The following SLC4A4 variants were observed in gnomAD, a reference collection of about 807,000 sequenced individuals.
SLC4A4 encodes the protein solute carrier family 4 member 4.
SLC4A4 carries 27 observed loss-of-function variants against 111.5 expected under a neutral mutation model. That is an observed-to-expected ratio of 0.24 (90% CI 0.18 to 0.33). The LOEUF is 0.33. Ranked by LOEUF, SLC4A4 falls within the 10% of genes least tolerant of loss-of-function variation. The pLI is 1.00. For synonymous variants in SLC4A4, 443 were observed against 463.4 expected, an observed-to-expected ratio of 0.96 and a Z score of 0.57; for missense variants, 909 against 1,315.5, an observed-to-expected ratio of 0.69 and a Z score of 4.78.
chr4:71,483,308 A>T (rs113328321), intron 14 of SLC4A4, among the ~76,000 whole-genome samples: 9 of 151,540 alleles, frequency 5.9e-5, no homozygotes, highest in Non-Finnish European at 1.2e-4. Flanking sequence ...GTTTTTCCTG[A>T]TCCTCTTCCT....
chr4:71,087,362 G>A (rs972107560), intron 1 of SLC4A4, among the ~76,000 whole-genome samples: 6 of 151,884 alleles, frequency 4.0e-5, no homozygotes, highest in Non-Finnish European at 7.4e-5. Flanking sequence ...CCAGCTCCTG[G>A]ATTCATTGAT....
At chr4:71,541,966 T>G (rs1382768524) in intron 18 of SLC4A4, among the ~76,000 whole-genome samples, 4 of 152,142 alleles carry the variant, frequency 2.6e-5, no homozygotes, top group Non-Finnish European at 5.9e-5. Context: ...TCAAATCTAG[T>G]CATTCAGATA....
At chr4:71,133,155 G>A (rs1429736694) in intron 2 of SLC4A4, among the ~76,000 whole-genome samples, 1 of 151,914 alleles carries the variant, frequency 6.6e-6, no homozygotes. Flanking sequence ...TCTTAGTTTC[G>A]TATCCCTGAA....
At chr4:71,289,679 A>T (rs1336744195) in intron 3 of SLC4A4, among the ~76,000 whole-genome samples, 1 of 152,234 alleles carries the variant, frequency 6.6e-6, no homozygotes, top group Non-Finnish European at 1.5e-5. Flanking sequence ...GAATTGGGTA[A>T]CGAAGGAGGA....
chr4:71,545,648 C>T (rs1349439818), intron 18 of SLC4A4, among the ~76,000 whole-genome samples: 3 of 151,942 alleles, frequency 2.0e-5, no homozygotes, highest in African/African-American at 7.2e-5. Flanking sequence ...TGTTTGAAAT[C>T]GGCCTATTCT....
intron 16 of SLC4A4, among the ~76,000 whole-genome samples, chr4:71,507,732 A>G (rs1425315661): frequency 6.6e-6 from 1 of 152,220 alleles, no homozygotes; most frequent in African/African-American, 2.4e-5. Flanking sequence ...TCAGCTCTGC[A>G]TCAGGTAGAC....
intron 1 of SLC4A4, among the ~76,000 whole-genome samples, chr4:71,226,326 A>G (rs941155765): frequency 2.0e-5 from 3 of 152,154 alleles, no homozygotes; most frequent in African/African-American, 4.8e-5. Flanking sequence ...CTGGCTATTT[A>G]AAGTAGTTTA....
intron 2 of SLC4A4, among the ~76,000 whole-genome samples, chr4:71,122,552 T>C (rs965733936): frequency 3.3e-5 from 5 of 152,014 alleles, no homozygotes; most frequent in Non-Finnish European, 7.4e-5. Context: ...CACAGAACTT[T>C]ATGAGACTTC....
chr4:71,539,712 A>G (rs1231707279), intron 18 of SLC4A4, among the ~76,000 whole-genome samples: 1 of 152,046 alleles, frequency 6.6e-6, no homozygotes, highest in East Asian at 1.9e-4. Context: ...TTTCTTTTAC[A>G]GTATCTGTTT....
chr4:71,384,970 A>C (rs1479568059), intron 6 of SLC4A4, among the ~76,000 whole-genome samples: 1 of 151,560 alleles, frequency 6.6e-6, no homozygotes, highest in African/African-American at 2.4e-5. Context: ...TGGCACGTGT[A>C]TACCTATGTA....
intron 2 of SLC4A4, among the ~76,000 whole-genome samples, chr4:71,244,737 C>T (rs768842096): frequency 2.7e-5 from 4 of 150,068 alleles, no homozygotes; most frequent in Non-Finnish European, 5.9e-5. Flanking sequence ...CTTACGTTAA[C>T]TCTTCTTACT....
intron 6 of SLC4A4, among the ~76,000 whole-genome samples, chr4:71,368,118 G>T (rs749587926): frequency 2.0e-5 from 3 of 152,098 alleles, no homozygotes; most frequent in African/African-American, 7.2e-5. Context: ...TAATTATGCC[G>T]TCTCTATTTT....
chr4:71,191,597 G>A (rs1745735459), intron 1 of SLC4A4, among the ~76,000 whole-genome samples: 1 of 152,162 alleles, frequency 6.6e-6, no homozygotes, highest in South Asian at 2.1e-4. Context: ...TAAAGTGATG[G>A]TTTCCATTTT....
intron 2 of SLC4A4, among the ~76,000 whole-genome samples, chr4:71,244,567 A>T (rs1720492153): frequency 6.6e-6 from 1 of 152,202 alleles, no homozygotes. Context: ...CCCAGGATTA[A>T]CCGCATAAAT....
chr4:71,280,049 C>T (rs1238530311), intron 3 of SLC4A4, among the ~76,000 whole-genome samples: 1 of 152,220 alleles, frequency 6.6e-6, no homozygotes, highest in Non-Finnish European at 1.5e-5. Flanking sequence ...CCACCTTGGC[C>T]TCCCAAAGTG....
At chr4:71,260,592 C>A (rs1273646350) in intron 3 of SLC4A4, among the ~76,000 whole-genome samples, 3 of 152,236 alleles carry the variant, frequency 2.0e-5, no homozygotes, top group Middle Eastern at 6.8e-3. Context: ...GTCTTTAGGT[C>A]TGAGTACAAA....
At chr4:71,515,426 A>C (rs1325074494) in intron 16 of SLC4A4, among the ~76,000 whole-genome samples, 1 of 152,208 alleles carries the variant, frequency 6.6e-6, no homozygotes, top group East Asian at 1.9e-4. Flanking sequence ...CCATGTGCTG[A>C]TGAAAGAAAT....
intron 2 of SLC4A4, among the ~76,000 whole-genome samples, chr4:71,141,534 A>G (rs1743997847): frequency 6.6e-6 from 1 of 152,046 alleles, no homozygotes; most frequent in African/African-American, 2.4e-5. Context: ...TCCTTCCCTC[A>G]TACCTTTGCC....
intron 1 of SLC4A4, chr4:71,236,311 C>T (rs1719806019): frequency 9.9e-7 from 1 of 1,013,330 alleles, no homozygotes; most frequent in Admixed American, 4.1e-5. Context: ...CAACATCCTG[C>T]CTACAGGATT....
Sources: allele counts gnomAD v4.1 joint callset (sites outside exome capture counted in the v4.1 genomes callset), GRCh38; gene constraint gnomAD v4.1.1; transcripts MANE v1.5; gene names NCBI Gene and HGNC (gene_info 2026-07-23, HGNC 2026-07-21).